WIPI2: variants seen among roughly 807,000 people sequenced by gnomAD.
The protein encoded by WIPI2 is WD repeat domain phosphoinositide-interacting protein 2.
WIPI2 carries 28 observed loss-of-function variants against 52.3 expected under a neutral mutation model. The observed-to-expected ratio is 0.54, with a 90% CI of 0.40 to 0.73. The LOEUF (loss-of-function observed/expected upper bound fraction) is 0.73. Ranked by LOEUF, WIPI2 falls within the 30% of genes least tolerant of loss-of-function variation. WIPI2 has a pLI of 0.00. For missense variants in WIPI2, 506 were observed against 602.9 expected (o/e 0.84, Z 1.68); for synonymous variants, 268 against 245.0 (o/e 1.09, Z -0.88).
Position 5,202,931 on chromosome 7 carries a change from A to G in WIPI2, c.211+3273A>G, listed in dbSNP as rs1284916362. Among the ~76,000 whole-genome samples the G allele has an allele frequency of 2.6e-5, 4 of 152,220 alleles. No individual in the cohort carries two copies. The South Asian group carries it at 6.2e-4, about 24-fold the overall frequency. ...AAAGTTTAGAAGTTGGCTTTTTTCA[A>G]AAGCTGCACTGTGTGTTTTCTTTGC... On this transcript the variant is annotated intron_variant, in intron 3 of 12. Coordinates refer to ENST00000288828, the MANE Select transcript of WIPI2 (RefSeq NM_015610.4).
intron 3 of WIPI2, among the ~76,000 whole-genome samples, chr7:5,210,465 TACTC>T (rs1433768692): frequency 1.3e-5 from 2 of 152,212 alleles, no homozygotes; most frequent in Admixed American, 6.5e-5. Flanking sequence ...GCTTTTCTCT[TACTC>T]AATCTCCTTT....
In WIPI2 at chr7:5,227,729, C is replaced by T. The variant is rs1379316801; in HGVS notation, c.1014-375C>T. ...CAGGGCCTGTGGAGGTTCTGTGCTG[C>T]GTGCGGGAAAGATTGTCATTACACC... is the stretch of plus-strand genomic sequence containing the variant. On this transcript the variant is annotated intron_variant, in intron 10 of 12. Coordinates refer to ENST00000288828, the MANE Select transcript of WIPI2 (RefSeq NM_015610.4). The surrounding 1 kb of genome is among the most constrained non-coding windows in gnomAD (Gnocchi z 8.1). 2.0e-5 allele frequency among the ~76,000 whole-genome samples: 3 copies of T among 152,158 alleles called. No homozygotes were observed. The highest frequency in any genetic ancestry group is 1.9e-4 in the East Asian group (1 of 5,192).
chr7:5,192,481 G>A (rs571071021), intron 1 of WIPI2, among the ~76,000 whole-genome samples: 47 of 152,320 alleles, frequency 3.1e-4, no homozygotes, highest in African/African-American at 1.1e-3. Context: ...TGTTCCCTGT[G>A]TCACAGAAGA....
intron 3 of WIPI2, 52 bp downstream of exon 3, chr7:5,199,710 A>G (rs1554251421): frequency 1.3e-6 from 2 of 1,489,092 alleles, no homozygotes; most frequent in Non-Finnish European, 1.8e-6. Context: ...AAAAAGTTGT[A>G]CTTGAATTGG....
intron 2 of WIPI2, among the ~76,000 whole-genome samples, chr7:5,195,931 C>T (rs542866524): frequency 2.0e-5 from 3 of 151,768 alleles, no homozygotes; most frequent in East Asian, 1.9e-4. Context: ...TCCAGCTGCT[C>T]GGGACGCTGA....
At position 5,233,634 on chromosome 7, in the gene WIPI2, C is replaced by T. The variant is rs983895462; in HGVS notation, c.*2687C>T. ...GAGTCAAAAAGAACTGCTTCAGTCCCCGCTGTACCGCCTGCCTAGCTGTGG... is the reference window on the plus strand; with the variant it reads ...GAGTCAAAAAGAACTGCTTCAGTCCTCGCTGTACCGCCTGCCTAGCTGTGG... On this transcript the variant is annotated 3_prime_UTR_variant, in exon 13 of 13. Transcript: ENST00000288828. 6.6e-6 allele frequency: 1 copy of T among 152,488 alleles called. No homozygotes were observed. The highest frequency in any genetic ancestry group is 1.5e-5 in the Non-Finnish European group (1 of 68,050). The allele number at this position is 152,488 out of a possible 1,614,324, so 9.4% of individuals were successfully genotyped here.
At chr7:5,221,953 T>TTA (rs1554254907) in intron 7 of WIPI2, among the ~76,000 whole-genome samples, 2 of 88,526 alleles carry the variant, frequency 2.3e-5, no homozygotes, top group African/African-American at 4.8e-5. Flanking sequence ...AGGCTTTTAT[T>TTA]TTTTTTTTTT....
intron 7 of WIPI2, among the ~76,000 whole-genome samples, chr7:5,219,882 C>T (rs1223615410): frequency 2.0e-5 from 3 of 151,658 alleles, no homozygotes; most frequent in African/African-American, 7.3e-5. Context: ...GTCACCCAGG[C>T]TGGAGTGCAG....
chr7:5,191,118 C>T (rs1222484704), intron 1 of WIPI2, among the ~76,000 whole-genome samples: 1 of 152,094 alleles, frequency 6.6e-6, no homozygotes, highest in Non-Finnish European at 1.5e-5. Flanking sequence ...CTCCTGGGTT[C>T]AAGCGATTCT....
chr7:5,215,432 A>G (rs565540302), intron 4 of WIPI2, among the ~76,000 whole-genome samples: 1 of 152,374 alleles, frequency 6.6e-6, no homozygotes, highest in East Asian at 1.9e-4. Context: ...GGCACAGAGG[A>G]AGGACGTGGT....
chr7:5,216,689 T>C (rs1782831638), intron 5 of WIPI2, 30 bp downstream of exon 5: 1 of 1,607,096 alleles, frequency 6.2e-7, no homozygotes, highest in African/African-American at 1.3e-5. Flanking sequence ...GAGAATCCCA[T>C]TTTTCTGATT....
intron 3 of WIPI2, among the ~76,000 whole-genome samples, chr7:5,210,062 G>C (rs911232356): frequency 1.3e-5 from 2 of 151,728 alleles, no homozygotes; most frequent in African/African-American, 4.8e-5. Flanking sequence ...CGCCCACCGC[G>C]ATGCCCGGCT....
intron 6 of WIPI2, chr7:5,217,428 C>A (rs1369350295): frequency 2.0e-6 from 1 of 503,290 alleles, no homozygotes; most frequent in Non-Finnish European, 3.6e-6. Flanking sequence ...CCTCAGCCTC[C>A]CGAGGAGTTA....
At chr7:5,216,188 G>A (rs115114687) in intron 4 of WIPI2, 3,503 of 139,188 alleles carry the variant, frequency 0.025, 122 homozygotes, top group African/African-American at 0.089. Flanking sequence ...AACTAAGATT[G>A]TGAAGCCAAC....
At chr7:5,218,544 A>C (rs1169453200) in intron 7 of WIPI2, 1 of 153,442 alleles carries the variant, frequency 6.5e-6, no homozygotes, top group Non-Finnish European at 1.5e-5. Context: ...GATTCATGTC[A>C]ACATCACCCT....
chr7:5,214,410 GCAGGCACCCT>G, intron 3 of WIPI2, 115 bp from the exon 4 acceptor site: 1 of 1,608,586 alleles, frequency 6.2e-7, no homozygotes. Flanking sequence ...CACATGTTCC[GCAGGCACCCT>G]CAGCGCTGTG....
At position 5,230,365 on chromosome 7, in the gene WIPI2, G is replaced by A. The variant is rs1305223036; in HGVS notation, c.1253-470G>A. Among the ~76,000 whole-genome samples, 4 of 152,176 alleles carry A rather than the reference G, an allele frequency of 2.6e-5. No individual in the cohort carries two copies. Among genetic ancestry groups the A allele is most frequent in the Non-Finnish European group, 4.4e-5 (3 of 68,028 alleles). Reference sequence around the variant, plus strand: ...CATGAGATCCTCCAGCCACAGCCTTGGCTATGTGAGCCACCTTCTTAAAAA... The same window carrying A: ...CATGAGATCCTCCAGCCACAGCCTTAGCTATGTGAGCCACCTTCTTAAAAA... On this transcript the variant is annotated intron_variant, in intron 12 of 12. Coordinates refer to ENST00000288828, the MANE Select transcript of WIPI2 (RefSeq NM_015610.4). This position sits in a 1 kb window ranked among gnomAD's most constrained non-coding sequence, Gnocchi z 4.8.
intron 8 of WIPI2, among the ~76,000 whole-genome samples, chr7:5,225,395 C>T (rs1783378910): frequency 6.6e-6 from 1 of 152,170 alleles, no homozygotes; most frequent in Non-Finnish European, 1.5e-5. Flanking sequence ...CCCACCTTGG[C>T]CTCCCAAAGT....
chr7:5,197,259 C>G (rs1198091088), intron 2 of WIPI2, among the ~76,000 whole-genome samples: 1 of 150,362 alleles, frequency 6.7e-6, no homozygotes, highest in Non-Finnish European at 1.5e-5. Context: ...GGAAGGTATA[C>G]AATTTAAGAA....
Sources: gnomAD v4.1 joint callset for allele counts (sites outside exome capture counted in the v4.1 genomes callset) on GRCh38, gnomAD v4.1.1 for gene constraint, Gnocchi (gnomAD v3.1) non-coding constraint, MANE v1.5 for transcripts, NCBI Gene and HGNC (gene_info 2026-07-23, HGNC 2026-07-21) for gene names.